XRCC4: variants seen among roughly 807,000 people sequenced by gnomAD.
The protein encoded by XRCC4 is DNA repair protein XRCC4.
Under a neutral mutation model 39.1 loss-of-function variants are expected in XRCC4, and 28 were observed. The observed-to-expected ratio is 0.72, with a 90% CI of 0.53 to 0.98. The LOEUF (loss-of-function observed/expected upper bound fraction) is 0.98. Among genes scored for constraint, XRCC4 ranks in the 50% least tolerant of loss-of-function variants. The probability of loss-of-function intolerance (pLI) is 0.00; values close to 1 mark genes in which losing one functional copy is unlikely to be tolerated. For missense variants in XRCC4, 350 were observed against 376.4 expected (o/e 0.93, Z 0.58); for synonymous variants, 123 against 126.4 (o/e 0.97, Z 0.18).
chr5:83,313,124 A>G (rs1755763956), intron 7 of XRCC4, among the ~76,000 whole-genome samples: 2 of 151,626 alleles, frequency 1.3e-5, no homozygotes, highest in African/African-American at 4.8e-5. Flanking sequence ...CAGGTGGTCA[A>G]AAAAACAAAA....
chr5:83,225,890 C>T (rs554924487), intron 6 of XRCC4, among the ~76,000 whole-genome samples: 1 of 151,978 alleles, frequency 6.6e-6, no homozygotes, highest in African/African-American at 2.4e-5. Context: ...TGTTAAAAAT[C>T]ACCTCTTTTT....
At chr5:83,320,262 A>G (rs1756012696) in intron 7 of XRCC4, among the ~76,000 whole-genome samples, 2 of 148,942 alleles carry the variant, frequency 1.3e-5, no homozygotes, top group South Asian at 4.3e-4. Context: ...ATGATAGATG[A>G]CACGTTAGTG....
Position 83,104,931 on chromosome 5 carries a change from A to G in XRCC4, c.12A>G (p.Lys4=), listed in dbSNP as rs747178672. The G allele has an allele frequency of 6.2e-7, 1 of 1,613,112 alleles. No homozygotes were observed. Among genetic ancestry groups the G allele is most frequent in the African/African-American group, 1.3e-5 (1 of 74,880 alleles). Residue 4 remains lysine (K), a synonymous_variant, in exon 2 of 8, where the codon AAA becomes AAG. Transcript: ENST00000396027. MER[K]ISRIHLVSEP... ...ACAGGTATTAAGAAATGGAGAGAAAAATAAGCAGAATCCACCTTGTTTCTG... is the reference window on the plus strand; with the variant it reads ...ACAGGTATTAAGAAATGGAGAGAAAGATAAGCAGAATCCACCTTGTTTCTG...
chr5:83,093,784 C>G (rs778349367), intron 1 of XRCC4, among the ~76,000 whole-genome samples: 1 of 151,936 alleles, frequency 6.6e-6, no homozygotes, highest in Non-Finnish European at 1.5e-5. Flanking sequence ...CACGGTATGC[C>G]AAAATTTATG....
At chr5:83,283,404 G>A (rs1754618933) in intron 7 of XRCC4, among the ~76,000 whole-genome samples, 1 of 152,044 alleles carries the variant, frequency 6.6e-6, no homozygotes, top group South Asian at 2.1e-4. Flanking sequence ...CTACCTAGTT[G>A]GAGCATTCAT....
At chr5:83,120,250 G>GTA (rs566254688) in intron 3 of XRCC4, among the ~76,000 whole-genome samples, 2 of 152,176 alleles carry the variant, frequency 1.3e-5, no homozygotes, top group African/African-American at 2.4e-5. Flanking sequence ...AGGAAAACAG[G>GTA]TAGTAAGCTA....
At chr5:83,269,291 C>T (rs1050345311) in intron 7 of XRCC4, among the ~76,000 whole-genome samples, 3 of 152,106 alleles carry the variant, frequency 2.0e-5, no homozygotes, top group African/African-American at 7.2e-5. Context: ...GTGCCAAGCA[C>T]TGTGTCCTAT....
At chr5:83,103,561 C>A (rs1239901841) in intron 1 of XRCC4, among the ~76,000 whole-genome samples, 3 of 152,086 alleles carry the variant, frequency 2.0e-5, no homozygotes, top group Non-Finnish European at 4.4e-5. Context: ...CAATTTTACT[C>A]TTAGGTATAT....
chr5:83,207,703 T>C (rs1751473648), intron 6 of XRCC4, among the ~76,000 whole-genome samples: 2 of 152,064 alleles, frequency 1.3e-5, no homozygotes, highest in Non-Finnish European at 1.5e-5. Context: ...TGGGCCACCC[T>C]ATAATTTACC....
At chr5:83,372,771 T>C in the XRCC4 span, among the ~76,000 whole-genome samples, 2 of 152,318 alleles carry the variant, frequency 1.3e-5, no homozygotes, top group African/African-American at 4.8e-5. Flanking sequence ...CTGGGGGCTA[T>C]TGCTATTGTT....
chr5:83,091,738 T>C (rs1745439649), intron 1 of XRCC4, among the ~76,000 whole-genome samples: 1 of 152,150 alleles, frequency 6.6e-6, no homozygotes, highest in South Asian at 2.1e-4. Context: ...TGTGTGTAGA[T>C]GAATTTTTTG....
At chr5:83,257,720 A>G (rs1753596769) in intron 6 of XRCC4, among the ~76,000 whole-genome samples, 1 of 152,210 alleles carries the variant, frequency 6.6e-6, no homozygotes, top group African/African-American at 2.4e-5. Context: ...TCATTCTACT[A>G]TAAAGACATA....
At chr5:83,134,564 G>T (rs1747786913) in intron 3 of XRCC4, among the ~76,000 whole-genome samples, 1 of 152,120 alleles carries the variant, frequency 6.6e-6, no homozygotes, top group African/African-American at 2.4e-5. Flanking sequence ...CTGTAAAATG[G>T]ACCAATCAGC....
At chr5:83,124,852 AT>A (rs147719241) in intron 3 of XRCC4, among the ~76,000 whole-genome samples, 3,211 of 152,324 alleles carry the variant, frequency 0.021, 92 homozygotes, top group African/African-American at 0.071. Flanking sequence ...TCTAGGATAA[AT>A]AAATATCTAG....
chr5:83,152,944 C>T (rs1194312325), intron 3 of XRCC4, among the ~76,000 whole-genome samples: 2 of 152,062 alleles, frequency 1.3e-5, no homozygotes, highest in East Asian at 1.9e-4. Context: ...GTATTAAATT[C>T]GATGTGATTT....
At chr5:83,256,356 G>A (rs1343752137) in intron 6 of XRCC4, among the ~76,000 whole-genome samples, 4 of 152,116 alleles carry the variant, frequency 2.6e-5, no homozygotes, top group Non-Finnish European at 5.9e-5. Flanking sequence ...TTGCCAATTT[G>A]TAAGACATCA....
intron 6 of XRCC4, among the ~76,000 whole-genome samples, chr5:83,209,398 G>A (rs11949386): frequency 0.015 from 2,324 of 152,014 alleles, 57 homozygotes; most frequent in African/African-American, 0.052. Flanking sequence ...GAACAGTTTC[G>A]CATTGTGCAG....
rs111303970 is a variant in XRCC4 at position 83,235,591 on chromosome 5, A to G, written c.746-22939A>G. On this transcript the variant is annotated intron_variant, in intron 6 of 7. Coordinates refer to ENST00000396027, the MANE Select transcript of XRCC4 (RefSeq NM_003401.5). ...AACGTGACAAAGGTCATGTATGACA[A>G]ACCCACAGCTGGTATCATACTGAAC... is the stretch of plus-strand genomic sequence containing the variant. 6.0e-3 allele frequency among the ~76,000 whole-genome samples: 907 copies of G among 152,260 alleles called. 12 individuals carry two copies. The highest frequency in any genetic ancestry group is 0.021 in the African/African-American group (869 of 41,568).
chr5:83,164,794 G>C (rs544038268), intron 3 of XRCC4, among the ~76,000 whole-genome samples: 1 of 152,070 alleles, frequency 6.6e-6, no homozygotes, highest in Admixed American at 6.6e-5. Flanking sequence ...TTTTCTCCCA[G>C]ATTAAGTAAG....
Sources: gnomAD v4.1 joint callset for allele counts (sites outside exome capture counted in the v4.1 genomes callset) on GRCh38, gnomAD v4.1.1 for gene constraint, MANE v1.5 for transcripts, NCBI Gene and HGNC (gene_info 2026-07-23, HGNC 2026-07-21) for gene names.